The following STPG2 variants were observed in gnomAD, a reference collection of about 807,000 sequenced individuals.
STPG2 encodes the protein sperm-tail PG-rich repeat-containing protein 2.
In STPG2, 56 loss-of-function variants were observed where a neutral mutation model predicts 54.2. The observed-to-expected ratio is 1.03, with a 90% CI of 0.83 to 1.29. STPG2 has a LOEUF of 1.29. Among genes scored for constraint, STPG2 ranks in the 50% most tolerant of loss-of-function variants. STPG2 has a pLI of 0.00. For missense variants in STPG2, 596 were observed against 544.9 expected, an observed-to-expected ratio of 1.09 and a Z score of -0.93; for synonymous variants, 200 against 181.8, an observed-to-expected ratio of 1.10 and a Z score of -0.81.
chr4:97,593,855 C>G (rs1210025785), intron 10 of STPG2, among the ~76,000 whole-genome samples: 1 of 151,132 alleles, frequency 6.6e-6, no homozygotes. Flanking sequence ...GGCTAGGTAA[C>G]CGCCCCCCAA....
chr4:98,100,745 G>A (rs1178492588), intron 5 of STPG2, among the ~76,000 whole-genome samples: 3 of 143,392 alleles, frequency 2.1e-5, no homozygotes, highest in Non-Finnish European at 4.5e-5. Flanking sequence ...GTGCAATCTC[G>A]GCTCACTGCA....
chr4:97,912,496 T>C (rs567228848), intron 8 of STPG2, among the ~76,000 whole-genome samples: 6 of 152,176 alleles, frequency 3.9e-5, no homozygotes, highest in East Asian at 1.9e-4. Context: ...GGAGCTGAAA[T>C]ACAACACAAA....
chr4:97,484,156 A>C (rs1477791679), intron 4 of STPG2, among the ~76,000 whole-genome samples: 1 of 151,830 alleles, frequency 6.6e-6, no homozygotes, highest in Non-Finnish European at 1.5e-5. Flanking sequence ...GTCATACATC[A>C]AAGAACTAGA....
At chr4:97,456,661 T>C (rs1729528715) in intron 4 of STPG2, among the ~76,000 whole-genome samples, 1 of 151,926 alleles carries the variant, frequency 6.6e-6, no homozygotes, top group Non-Finnish European at 1.5e-5. Context: ...TTTGGGAGGC[T>C]GAGGCGGGTG....
intron 9 of STPG2, among the ~76,000 whole-genome samples, chr4:97,776,393 T>C (rs1726376048): frequency 6.6e-6 from 1 of 152,220 alleles, no homozygotes; most frequent in African/African-American, 2.4e-5. Flanking sequence ...TTCCAAAGTC[T>C]GTACTTGTAA....
At chr4:98,026,029 T>C (rs544004872) in intron 5 of STPG2, 19 of 1,042,122 alleles carry the variant, frequency 1.8e-5, no homozygotes, top group Admixed American at 5.7e-5. Flanking sequence ...AAGATGAAGA[T>C]AATTACAAGA....
At chr4:97,940,879 T>A (rs1732951963) in intron 8 of STPG2, among the ~76,000 whole-genome samples, 1 of 152,136 alleles carries the variant, frequency 6.6e-6, no homozygotes, top group Non-Finnish European at 1.5e-5. Flanking sequence ...ATTAATTATT[T>A]TCACTTTACT....
At chr4:97,785,902 A>C (rs1370156613) in intron 9 of STPG2, among the ~76,000 whole-genome samples, 1 of 152,064 alleles carries the variant, frequency 6.6e-6, no homozygotes, top group Admixed American at 6.6e-5. Flanking sequence ...AGGGAGAGTA[A>C]GGAGTGAAGC....
chr4:97,483,729 C>T (rs6837296), intron 4 of STPG2, among the ~76,000 whole-genome samples: 3,443 of 151,822 alleles, frequency 0.023, 113 homozygotes, highest in African/African-American at 0.078. Flanking sequence ...ATGGGCTTAA[C>T]AGATATATAC....
At chr4:97,890,206 A>G (rs1041621241) in intron 8 of STPG2, among the ~76,000 whole-genome samples, 2 of 152,086 alleles carry the variant, frequency 1.3e-5, no homozygotes, top group Admixed American at 6.6e-5. Flanking sequence ...AATCAGGTCT[A>G]CCAGGATTAC....
intron 4 of STPG2, among the ~76,000 whole-genome samples, chr4:97,551,771 A>T (rs1319185278): frequency 1.3e-5 from 2 of 152,220 alleles, no homozygotes; most frequent in African/African-American, 4.8e-5. Context: ...ATTGCTACAA[A>T]AATATTTTTC....
At chr4:98,047,890 C>T (rs1204290554) in intron 5 of STPG2, among the ~76,000 whole-genome samples, 2 of 151,930 alleles carry the variant, frequency 1.3e-5, no homozygotes, top group Admixed American at 6.6e-5. Flanking sequence ...GGATTAAACA[C>T]GAGCTAAAAA....
At chr4:97,460,133 A>T (rs1445694181) in intron 4 of STPG2, among the ~76,000 whole-genome samples, 1 of 152,108 alleles carries the variant, frequency 6.6e-6, no homozygotes, top group African/African-American at 2.4e-5. Context: ...CTCTTCCATC[A>T]ACCCCCCACT....
intron 8 of STPG2, among the ~76,000 whole-genome samples, chr4:97,904,238 C>T (rs1158497574): frequency 1.4e-4 from 21 of 152,284 alleles, no homozygotes; most frequent in African/African-American, 3.4e-4. Context: ...TCTCCCAGCA[C>T]ACAGCTGGAG....
chr4:98,085,650 T>C (rs1738482843), intron 5 of STPG2, among the ~76,000 whole-genome samples: 1 of 152,130 alleles, frequency 6.6e-6, no homozygotes, highest in Admixed American at 6.5e-5. Flanking sequence ...TTTGAGGTGC[T>C]ACTTTAAATG....
intron 8 of STPG2, among the ~76,000 whole-genome samples, chr4:97,850,262 G>C (rs1284140583): frequency 1.1e-5 from 1 of 92,694 alleles, no homozygotes; most frequent in Non-Finnish European, 1.9e-5. Context: ...CACACTCTGG[G>C]GACTGTGGTG....
chr4:97,959,341 C>A (rs1245167865), intron 7 of STPG2, among the ~76,000 whole-genome samples: 3 of 151,722 alleles, frequency 2.0e-5, no homozygotes, highest in East Asian at 3.9e-4. Flanking sequence ...CCAAACTTAA[C>A]CCCAGTAAAA....
intron 4 of STPG2, among the ~76,000 whole-genome samples, chr4:97,540,267 A>T (rs981479366): frequency 1.3e-5 from 2 of 152,188 alleles, no homozygotes; most frequent in South Asian, 2.1e-4. Flanking sequence ...AATCAAATAG[A>T]TGCAATAAAT....
At chr4:97,654,715 C>G (rs1722171196) in intron 10 of STPG2, among the ~76,000 whole-genome samples, 1 of 151,652 alleles carries the variant, frequency 6.6e-6, no homozygotes, top group South Asian at 2.1e-4. Context: ...ACACAACAGG[C>G]AGTCAATAAA....
Sources: gnomAD v4.1 joint callset for allele counts (sites outside exome capture counted in the v4.1 genomes callset) on GRCh38, gnomAD v4.1.1 for gene constraint, MANE v1.5 for transcripts, NCBI Gene and HGNC (gene_info 2026-07-23, HGNC 2026-07-21) for gene names.